DDX46: variants seen among roughly 807,000 people sequenced by gnomAD.
The protein encoded by DDX46 is probable ATP-dependent RNA helicase DDX46.
DDX46 carries 30 observed loss-of-function variants against 134.9 expected under a neutral mutation model. The ratio of observed to expected loss-of-function variants is 0.22; its 90% CI spans 0.17 to 0.30. The LOEUF is 0.30. Ranked by LOEUF, DDX46 falls within the 10% of genes least tolerant of loss-of-function variation. DDX46 has a pLI of 1.00. For synonymous variants in DDX46, 415 were observed against 404.1 expected, an observed-to-expected ratio of 1.03 and a Z score of -0.32; for missense variants, 622 against 1,248.7, an observed-to-expected ratio of 0.50 and a Z score of 7.56.
intron 2 of DDX46, 94 bp from the exon 3 acceptor site, chr5:134,766,823 T>C: frequency 1.4e-6 from 2 of 1,394,852 alleles, no homozygotes; most frequent in Middle Eastern, 1.9e-4. Flanking sequence ...ATAATGGTAG[T>C]GATTAAGATT....
chr5:134,770,223 TA>T (rs58102851), intron 3 of DDX46, among the ~76,000 whole-genome samples: 2 of 145,670 alleles, frequency 1.4e-5, no homozygotes. Flanking sequence ...TTTTTTTTTT[TA>T]AAAAGAGACA....
At chr5:134,776,194 A>G (rs1753930326) in intron 5 of DDX46, among the ~76,000 whole-genome samples, 1 of 151,982 alleles carries the variant, frequency 6.6e-6, no homozygotes, top group African/African-American at 2.4e-5. Flanking sequence ...GATCAAGATC[A>G]TCCTGGCCAA....
chr5:134,819,983 G>A lies in DDX46; in HGVS notation c.2977+979G>A, dbSNP rs917072990. Among the ~76,000 whole-genome samples the A allele has an allele frequency of 5.3e-5, 8 of 151,652 alleles. No individual in the cohort carries two copies. In the East Asian group the frequency reaches 9.7e-4, roughly 18 times the overall value. Reference sequence around the variant, plus strand: ...TTGCCCAGAGCTGGAGTGCAATAGCGCGATCTTGACTCACTGCAACCTCCA... The same window carrying A: ...TTGCCCAGAGCTGGAGTGCAATAGCACGATCTTGACTCACTGCAACCTCCA... On this transcript the variant is annotated intron_variant, in intron 21 of 22. Coordinates refer to ENST00000452510, the MANE Select transcript of DDX46 (RefSeq NM_001300860.2).
intron 10 of DDX46, 125 bp downstream of exon 10, chr5:134,784,666 A>G (rs1278225971): frequency 4.9e-5 from 55 of 1,113,144 alleles, no homozygotes; most frequent in East Asian, 3.1e-5. Flanking sequence ...TTCTTTATCA[A>G]TTTGGCACTT....
chr5:134,816,362 T>C, intron 18 of DDX46, 68 bp from the exon 19 acceptor site: 1 of 1,406,086 alleles, frequency 7.1e-7, no homozygotes, highest in Non-Finnish European at 9.6e-7. Flanking sequence ...TATTTATTTC[T>C]GTAGAATAAC....
intron 16 of DDX46, among the ~76,000 whole-genome samples, chr5:134,809,734 C>T (rs959503938): frequency 2.7e-5 from 4 of 149,244 alleles, no homozygotes; most frequent in Middle Eastern, 6.4e-3. Context: ...GTTGGCCGGG[C>T]GCGGTGGCTC....
chr5:134,796,933 C>T (rs1754671590), intron 15 of DDX46, among the ~76,000 whole-genome samples: 1 of 150,628 alleles, frequency 6.6e-6, no homozygotes, highest in Non-Finnish European at 1.5e-5. Context: ...GGGCGGATCA[C>T]CTGAGGTTGG....
rs779373892 is a variant in DDX46, at chr5:134,813,164, T to C, written c.2436+1319T>C. 2.6e-5 allele frequency among the ~76,000 whole-genome samples: 4 copies of C among 152,010 alleles called. No individual in the cohort carries two copies. The South Asian group carries it at 8.3e-4, about 32-fold the overall frequency. On this transcript the variant is annotated intron_variant, in intron 18 of 22. Coordinates refer to ENST00000452510, the MANE Select transcript of DDX46 (RefSeq NM_001300860.2). ...TTCACCATGTTGGCCAGGATGATCT[T>C]GATCTCTTGACTTCGTGATCCGCCT...
intron 10 of DDX46, 87 bp downstream of exon 10, chr5:134,784,628 T>C (rs941097484): frequency 1.2e-5 from 16 of 1,390,106 alleles, no homozygotes; most frequent in Non-Finnish European, 1.5e-5. Flanking sequence ...TTCTTAATTA[T>C]GACAATGAAG....
rs994723984 is a variant in DDX46, at chr5:134,803,915, C to A, written c.1955-3833C>A. Among the ~76,000 whole-genome samples the A allele has an allele frequency of 4.8e-4, 56 of 117,244 alleles. 1 individual carries two copies. The highest frequency in any genetic ancestry group is 1.3e-3 in the African/African-American group (41 of 30,814). 76.9% of individuals were successfully genotyped at this position (117,244 alleles called of 152,430 possible). A position where few individuals can be genotyped will look rare whatever the true frequency, so the allele number is the denominator to read the frequency against. On this transcript the variant is annotated intron_variant, in intron 15 of 22. Transcript: ENST00000452510. ...AAGAGAATGACAAGTGATGATGATT[C>A]TTCTTTTTTTTTTTTTTTTTTTTTT... is the stretch of plus-strand genomic sequence containing the variant.
chr5:134,761,348 C>T (rs1580765710), intron 1 of DDX46, among the ~76,000 whole-genome samples: 1 of 151,940 alleles, frequency 6.6e-6, no homozygotes, highest in Non-Finnish European at 1.5e-5. Flanking sequence ...TTTATTGTAT[C>T]GAATGAGAGC....
intron 18 of DDX46, among the ~76,000 whole-genome samples, chr5:134,815,526 T>C (rs969465244): frequency 6.6e-6 from 1 of 151,538 alleles, no homozygotes; most frequent in Non-Finnish European, 1.5e-5. Context: ...CCTAACACGG[T>C]GAAACCCCAT....
Position 134,781,109 on chromosome 5 carries a change from T to C in DDX46, c.766-24T>C, listed in dbSNP as rs760415730. 1.2e-5 allele frequency: 19 copies of C among 1,526,492 alleles called. No individual in the cohort carries two copies. The Middle Eastern group carries it at 1.2e-3, about 97-fold the overall frequency. The allele number at this position is 1,526,492 out of a possible 1,614,324, so 94.6% of individuals were successfully genotyped here. On this transcript the variant is annotated intron_variant, in intron 6 of 22. Coordinates refer to ENST00000452510, the MANE Select transcript of DDX46 (RefSeq NM_001300860.2). ...ACTTGTGTTTCAGCTTTGCAAAATA[T>C]TCTATATTTGTTCTTTATTTTAGAA...
intron 1 of DDX46, among the ~76,000 whole-genome samples, chr5:134,763,600 T>G (rs544235880): frequency 6.6e-6 from 1 of 152,230 alleles, no homozygotes; most frequent in Non-Finnish European, 1.5e-5. Flanking sequence ...ATACAGTGTT[T>G]GTTTCTTCAC....
At chr5:134,785,703 TA>T (rs1369175295) in intron 11 of DDX46, 117 bp downstream of exon 11, 4 of 1,233,138 alleles carry the variant, frequency 3.2e-6, no homozygotes, top group South Asian at 3.3e-5. Context: ...TAAAATCATT[TA>T]AAAAATGAAG....
At position 134,804,989 on chromosome 5, in the gene DDX46, G is replaced by A. The variant is rs375041142; in HGVS notation, c.1955-2759G>A. On this transcript the variant is annotated intron_variant, in intron 15 of 22. Coordinates refer to ENST00000452510, the MANE Select transcript of DDX46 (RefSeq NM_001300860.2). ...CCCCTTGAAGTCTGCATGGGCACAT[G>A]CCACCTGCAGATTTTGGTGCTTTCC... 767 of 378,346 alleles carry A rather than the reference G, an allele frequency of 2.0e-3. 17 individuals carry two copies. Among genetic ancestry groups the A allele is most frequent in the South Asian group, 0.016 (693 of 42,200 alleles). The allele number at this position is 378,346 out of a possible 1,614,324, so 23.4% of individuals were successfully genotyped here.
Position 134,805,603 on chromosome 5 carries a change from A to G in DDX46, c.1955-2145A>G, listed in dbSNP as rs553485173. Among the ~76,000 whole-genome samples, 521 of 150,380 alleles carry G rather than the reference A, an allele frequency of 3.5e-3. 2 individuals are homozygous for G. Among genetic ancestry groups the G allele is most frequent in the Middle Eastern group, 7.0e-3 (2 of 286 alleles). On this transcript the variant is annotated intron_variant, in intron 15 of 22. Transcript: ENST00000452510. ...GAGTGCAGTGGCATGATCTTGGCTC[A>G]CGGCAATTTCCACCTCCCAGGTTCA...
chr5:134,778,133 C>T (rs551911737), intron 6 of DDX46, among the ~76,000 whole-genome samples: 2 of 151,784 alleles, frequency 1.3e-5, no homozygotes, highest in East Asian at 1.9e-4. Flanking sequence ...GTCTACCTAC[C>T]TCAGCCTCCC....
At chr5:134,806,771 G>A (rs368014417) in intron 15 of DDX46, among the ~76,000 whole-genome samples, 113 of 152,218 alleles carry the variant, frequency 7.4e-4, no homozygotes, top group African/African-American at 2.5e-3. Flanking sequence ...TAAGTTTTGA[G>A]AGTTTATCTT....
Sources: allele counts gnomAD v4.1 joint callset (sites outside exome capture counted in the v4.1 genomes callset), GRCh38; gene constraint gnomAD v4.1.1; transcripts MANE v1.5; gene names NCBI Gene and HGNC (gene_info 2026-07-23, HGNC 2026-07-21).